RNF180: variants seen among roughly 807,000 people sequenced by gnomAD.
The protein encoded by RNF180 is ring finger protein 180.
In RNF180, 38 loss-of-function variants were observed where a neutral mutation model predicts 59.2. The observed-to-expected ratio is 0.64, with a 90% confidence interval of 0.50 to 0.84. The LOEUF is 0.84. Among genes scored for constraint, RNF180 ranks in the 40% least tolerant of loss-of-function variants. The probability of loss-of-function intolerance (pLI) is 0.00; values close to 1 mark genes in which losing one functional copy is unlikely to be tolerated. For missense variants in RNF180, 705 were observed against 700.9 expected, an observed-to-expected ratio of 1.01 and a Z score of -0.07; for synonymous variants, 262 against 240.3, an observed-to-expected ratio of 1.09 and a Z score of -0.84.
intron 5 of RNF180, among the ~76,000 whole-genome samples, chr5:64,304,576 G>A (rs997618712): frequency 3.3e-5 from 5 of 151,658 alleles, no homozygotes; most frequent in Admixed American, 6.6e-5. Context: ...CCTAGAATTA[G>A]AAGAGGAGCC....
intron 5 of RNF180, among the ~76,000 whole-genome samples, chr5:64,236,215 G>A (rs1742434246): frequency 6.6e-6 from 1 of 152,232 alleles, no homozygotes; most frequent in Non-Finnish European, 1.5e-5. Flanking sequence ...GGCTGAGTTG[G>A]TCTCAGGTGG....
chr5:64,189,619 C>T (rs1373290128), intron 1 of RNF180, among the ~76,000 whole-genome samples: 1 of 152,106 alleles, frequency 6.6e-6, no homozygotes, highest in East Asian at 1.9e-4. Flanking sequence ...TTCTCCTTAC[C>T]GCTTACAGTC....
intron 7 of RNF180, among the ~76,000 whole-genome samples, chr5:64,345,907 C>T (rs1745534368): frequency 6.6e-6 from 1 of 151,872 alleles, no homozygotes; most frequent in South Asian, 2.1e-4. Context: ...GTGTGAAGTA[C>T]AATTATATTG....
chr5:64,216,763 G>A (rs906764145), intron 4 of RNF180, among the ~76,000 whole-genome samples: 13 of 152,202 alleles, frequency 8.5e-5, no homozygotes, highest in African/African-American at 3.1e-4. Context: ...TCTACTTTGG[G>A]GAAAGACGTA....
At chr5:64,323,744 A>G (rs1346295960) in intron 5 of RNF180, among the ~76,000 whole-genome samples, 2 of 152,156 alleles carry the variant, frequency 1.3e-5, no homozygotes, top group African/African-American at 4.8e-5. Context: ...ATTAATTACT[A>G]TGTGCCAGGT....
At chr5:64,309,498 T>C (rs1743646343) in intron 5 of RNF180, among the ~76,000 whole-genome samples, 1 of 151,732 alleles carries the variant, frequency 6.6e-6, no homozygotes, top group Non-Finnish European at 1.5e-5. Context: ...CAGACTGTTT[T>C]AGCCTCCATA....
chr5:64,370,248 A>AAGAT lies in RNF180; in HGVS notation c.*436_*439dup, dbSNP rs1456635734. ...ATTCTCAGGCAAATTATATGTATTA[A>AAGAT]AGATAAACCATATTCTCTGGGAACT... On this transcript the variant is annotated 3_prime_UTR_variant, in exon 8 of 8. Coordinates refer to ENST00000389100, the MANE Select transcript of RNF180 (RefSeq NM_001113561.2). The AAGAT allele has an allele frequency of 2.0e-5, 3 of 152,730 alleles. No homozygotes were observed. Among genetic ancestry groups the AAGAT allele is most frequent in the Non-Finnish European group, 4.4e-5 (3 of 68,474 alleles). 9.5% of individuals were successfully genotyped at this position (152,730 alleles called of 1,614,324 possible).
chr5:64,197,017 A>G (rs775711214), intron 1 of RNF180, among the ~76,000 whole-genome samples: 3 of 152,162 alleles, frequency 2.0e-5, no homozygotes, highest in Non-Finnish European at 4.4e-5. Flanking sequence ...TCAAGTTTCA[A>G]TTTATGAATA....
chr5:64,354,130 G>T (rs910737535), intron 7 of RNF180, among the ~76,000 whole-genome samples: 2 of 151,302 alleles, frequency 1.3e-5, no homozygotes, highest in African/African-American at 2.4e-5. Flanking sequence ...TTAGAATAGG[G>T]ATTAATGAAA....
At chr5:64,263,711 T>A (rs958795203) in intron 5 of RNF180, among the ~76,000 whole-genome samples, 6 of 152,180 alleles carry the variant, frequency 3.9e-5, no homozygotes, top group Admixed American at 6.6e-5. Flanking sequence ...TTGGTTTTTT[T>A]AATTTATTAT....
At chr5:64,325,622 A>G (rs1476955897) in intron 6 of RNF180, among the ~76,000 whole-genome samples, 2 of 152,222 alleles carry the variant, frequency 1.3e-5, no homozygotes, top group Non-Finnish European at 2.9e-5. Flanking sequence ...GTACACTCAG[A>G]TCCTTTCTAA....
At chr5:64,237,040 C>A (rs1402864204) in intron 5 of RNF180, among the ~76,000 whole-genome samples, 3 of 152,212 alleles carry the variant, frequency 2.0e-5, no homozygotes, top group Non-Finnish European at 2.9e-5. Context: ...GGAGCCCCCA[C>A]ACAGAGTCTC....
chr5:64,236,379 G>A (rs1447457472), intron 5 of RNF180, among the ~76,000 whole-genome samples: 1 of 152,206 alleles, frequency 6.6e-6, no homozygotes, highest in Non-Finnish European at 1.5e-5. Flanking sequence ...TTTCGAAGCA[G>A]CAAAGCATTC....
At position 64,325,396 on chromosome 5, in the gene RNF180, G is replaced by C; in HGVS notation, c.1438G>C (p.Val480Leu). 1.3e-6 allele frequency: 2 copies of C among 1,549,702 alleles called. No individual in the cohort carries two copies. The highest frequency in any genetic ancestry group is 1.7e-6 in the Non-Finnish European group (2 of 1,145,228). The change falls in exon 6 of 8, where the codon GTC becomes CTC. Residue 480 changes from valine (V) to leucine (L), a missense_variant. Physicochemically the swap from Val to Leu is conservative, Grantham distance 32. Coordinates refer to ENST00000389100, the MANE Select transcript of RNF180 (RefSeq NM_001113561.2). ...CPLCRTIISR[V>L]FFQTELNNAT... Reference sequence around the variant, plus strand: ...ATTGTGTCGGACAATTATTTCTAGAGTCTTTTTCCAAACAGGTAACAATTC... The same window carrying C: ...ATTGTGTCGGACAATTATTTCTAGACTCTTTTTCCAAACAGGTAACAATTC...
intron 5 of RNF180, among the ~76,000 whole-genome samples, chr5:64,324,026 A>G (rs559392081): frequency 2.0e-5 from 3 of 152,328 alleles, no homozygotes; most frequent in African/African-American, 7.2e-5. Context: ...ATCTACTATC[A>G]GTGACTTCAG....
At chr5:64,348,585 G>A (rs1461028077) in intron 7 of RNF180, among the ~76,000 whole-genome samples, 2 of 152,000 alleles carry the variant, frequency 1.3e-5, no homozygotes, top group African/African-American at 4.8e-5. Flanking sequence ...GAAAAGATAA[G>A]ACATAGTTGA....
At chr5:64,330,905 C>T (rs752601628) in intron 7 of RNF180, among the ~76,000 whole-genome samples, 1 of 152,244 alleles carries the variant, frequency 6.6e-6, no homozygotes, top group Non-Finnish European at 1.5e-5. Flanking sequence ...GCCATGGCTT[C>T]GGACCGAGAC....
At chr5:64,229,089 G>A (rs1741960885) in intron 5 of RNF180, among the ~76,000 whole-genome samples, 1 of 151,774 alleles carries the variant, frequency 6.6e-6, no homozygotes, top group Non-Finnish European at 1.5e-5. Flanking sequence ...GCCCAGCTAA[G>A]TTATTGTGTA....
chr5:64,303,513 A>G (rs1288589682), intron 5 of RNF180, among the ~76,000 whole-genome samples: 2 of 151,686 alleles, frequency 1.3e-5, no homozygotes, highest in East Asian at 3.9e-4. Flanking sequence ...AGGAAAAAAC[A>G]GCCCCATTGC....
Sources: allele counts gnomAD v4.1 joint callset (sites outside exome capture counted in the v4.1 genomes callset), GRCh38; gene constraint gnomAD v4.1.1; transcripts MANE v1.5; gene names NCBI Gene and HGNC (gene_info 2026-07-23, HGNC 2026-07-21).